Variants in CSMD1 observed in about 807,000 individuals in gnomAD.
CSMD1 encodes CUB and sushi domain-containing protein 1.
Under a neutral mutation model 417.5 loss-of-function variants are expected in CSMD1, and 213 were observed. That is an observed-to-expected ratio of 0.51 (90% CI 0.46 to 0.57). The LOEUF is 0.57. Ranked by LOEUF, CSMD1 falls within the 20% of genes least tolerant of loss-of-function variation. The pLI is 0.00. For missense variants in CSMD1, 6,923 were observed against 4,529.7 expected, an observed-to-expected ratio of 1.53 and a Z score of -15.17; for synonymous variants, 2,862 against 1,736.8, an observed-to-expected ratio of 1.65 and a Z score of -16.11.
chr8:4,572,350 G>T (rs1228847309), intron 2 of CSMD1, among the ~76,000 whole-genome samples: 1 of 152,170 alleles, frequency 6.6e-6, no homozygotes, highest in Non-Finnish European at 1.5e-5. Context: ...TTTCTATGGA[G>T]GATTTTATTT....
intron 2 of CSMD1, among the ~76,000 whole-genome samples, chr8:4,618,341 C>T (rs181009663): frequency 6.7e-4 from 102 of 152,110 alleles, no homozygotes; most frequent in African/African-American, 2.2e-3. Context: ...CTTTGCTTGA[C>T]GAACACACTT....
intron 3 of CSMD1, among the ~76,000 whole-genome samples, chr8:4,403,249 G>A (rs1360015971): frequency 2.0e-5 from 3 of 152,012 alleles, no homozygotes; most frequent in Non-Finnish European, 4.4e-5. Flanking sequence ...TTTCTCCTAC[G>A]TTAAAGGCAA....
intron 23 of CSMD1, among the ~76,000 whole-genome samples, chr8:3,316,266 C>G (rs1353945764): frequency 6.6e-6 from 1 of 151,790 alleles, no homozygotes; most frequent in East Asian, 1.9e-4. Context: ...GCCCTGTGCC[C>G]CATGAATATG....
In CSMD1 at chr8:4,570,317, A is replaced by G. The variant is rs188558498; in HGVS notation, c.302+67025T>C. Among the ~76,000 whole-genome samples, 9 of 152,300 alleles carry G rather than the reference A, an allele frequency of 5.9e-5. No homozygotes were observed. In the East Asian group the frequency reaches 1.7e-3, roughly 29 times the overall value. ...TATTATTTTGACATATGTTCCGTCA[A>G]TACCTAGTTTATTATTTTTAGCATG... On this transcript the variant is annotated intron_variant, in intron 2 of 69. Transcript: ENST00000635120.
chr8:4,099,881 C>G (rs528781016), intron 3 of CSMD1, among the ~76,000 whole-genome samples: 15 of 152,100 alleles, frequency 9.9e-5, no homozygotes, highest in Non-Finnish European at 1.9e-4. Flanking sequence ...TTTAGTTGTA[C>G]TGGGAACCAG....
At position 3,081,757 on chromosome 8, in the gene CSMD1, G is replaced by A. The variant is rs1024882731; in HGVS notation, c.7474+5340C>T. ...CTTTAATTACAATTTTATTCATTTC[G>A]ATTGGTCCTTATAAAAGTTACAAAG... On this transcript the variant is annotated intron_variant, in intron 49 of 69. Coordinates refer to ENST00000635120, the MANE Select transcript of CSMD1 (RefSeq NM_033225.6). Among the ~76,000 whole-genome samples, 7 of 152,180 alleles carry A rather than the reference G, an allele frequency of 4.6e-5. No individual in the cohort carries two copies. The South Asian group carries it at 1.5e-3, about 32-fold the overall frequency.
chr8:3,671,731 C>T (rs1799079408), intron 7 of CSMD1, among the ~76,000 whole-genome samples: 1 of 151,784 alleles, frequency 6.6e-6, no homozygotes, highest in Non-Finnish European at 1.5e-5. Flanking sequence ...CCAGCACCGG[C>T]AGGCTGCCTG....
intron 8 of CSMD1, among the ~76,000 whole-genome samples, chr8:3,593,485 C>A (rs542629539): frequency 8.5e-5 from 13 of 152,252 alleles, no homozygotes; most frequent in African/African-American, 3.1e-4. Context: ...AGGAGAGATG[C>A]CTGCTCTCAC....
chr8:4,090,113 A>C (rs1800638236), intron 3 of CSMD1, among the ~76,000 whole-genome samples: 1 of 152,206 alleles, frequency 6.6e-6, no homozygotes, highest in African/African-American at 2.4e-5. Flanking sequence ...TGCTATGTTT[A>C]ACTCTGGAAG....
intron 54 of CSMD1, among the ~76,000 whole-genome samples, chr8:2,993,024 T>C (rs1175345702): frequency 1.3e-5 from 2 of 152,212 alleles, no homozygotes; most frequent in Admixed American, 6.5e-5. Flanking sequence ...TGAGTCACTA[T>C]GCCTGGATGA....
intron 5 of CSMD1, among the ~76,000 whole-genome samples, chr8:3,975,459 C>T (rs1053636020): frequency 3.9e-5 from 6 of 152,074 alleles, no homozygotes; most frequent in African/African-American, 1.2e-4. Context: ...AGAAAATGCA[C>T]TAATACATCA....
chr8:4,306,136 GT>G (rs1172014502), intron 3 of CSMD1, among the ~76,000 whole-genome samples: 2 of 152,204 alleles, frequency 1.3e-5, no homozygotes, highest in Non-Finnish European at 2.9e-5. Context: ...AATAGTCTGT[GT>G]AGATTTTTAG....
At position 4,080,711 on chromosome 8, in the gene CSMD1, C is replaced by G. The variant is rs550186607; in HGVS notation, c.416-48612G>C. 3.9e-5 allele frequency among the ~76,000 whole-genome samples: 6 copies of G among 152,248 alleles called. No individual in the cohort carries two copies. The East Asian group carries it at 7.7e-4, about 20-fold the overall frequency. On this transcript the variant is annotated intron_variant, in intron 3 of 69. Transcript: ENST00000635120. The stretch of plus-strand genomic sequence containing the variant: ...ATTTCTTCAGTGAAGACTATTCTTT[C>G]ATTTCTGCCATAGGAGAGAAAAATA...
chr8:4,953,076 A>G (rs1808858198), intron 1 of CSMD1, among the ~76,000 whole-genome samples: 1 of 152,080 alleles, frequency 6.6e-6, no homozygotes, highest in Non-Finnish European at 1.5e-5. Context: ...AAAAAACATT[A>G]TAGTCCTTAA....
chr8:4,838,395 G>T (rs1800627856), intron 1 of CSMD1, among the ~76,000 whole-genome samples: 1 of 152,148 alleles, frequency 6.6e-6, no homozygotes, highest in Non-Finnish European at 1.5e-5. Flanking sequence ...ATAGAAGATT[G>T]CAACCTGATA....
chr8:4,447,575 C>G (rs1010035884), intron 2 of CSMD1, among the ~76,000 whole-genome samples: 2 of 152,212 alleles, frequency 1.3e-5, no homozygotes, highest in Non-Finnish European at 2.9e-5. Flanking sequence ...TACCAATGCT[C>G]TGTCAACAGA....
At chr8:2,979,039 T>C (rs1805180907) in intron 54 of CSMD1, among the ~76,000 whole-genome samples, 1 of 152,242 alleles carries the variant, frequency 6.6e-6, no homozygotes, top group African/African-American at 2.4e-5. Flanking sequence ...TAATTTCCTC[T>C]ATTTCCTAGT....
intron 2 of CSMD1, among the ~76,000 whole-genome samples, chr8:4,498,555 T>G (rs1476222024): frequency 6.6e-6 from 1 of 152,202 alleles, no homozygotes; most frequent in Non-Finnish European, 1.5e-5. Flanking sequence ...ATGTCCAGAC[T>G]CGTACTGAAA....
chr8:4,768,723 C>A (rs7839896), intron 1 of CSMD1, among the ~76,000 whole-genome samples: 2 of 151,910 alleles, frequency 1.3e-5, no homozygotes, highest in Admixed American at 1.3e-4. Context: ...GCACCAAACT[C>A]CCCAGGAGTG....
Sources: allele counts gnomAD v4.1 joint callset (sites outside exome capture counted in the v4.1 genomes callset), GRCh38; gene constraint gnomAD v4.1.1; transcripts MANE v1.5; gene names NCBI Gene and HGNC (gene_info 2026-07-23, HGNC 2026-07-21).